The following LARGE1 variants were observed in gnomAD, a reference collection of about 807,000 sequenced individuals.
LARGE1 encodes the protein xylosyl- and glucuronyltransferase LARGE1.
LARGE1 carries 43 observed loss-of-function variants against 87.6 expected under a neutral mutation model. The observed-to-expected ratio is 0.49, with a 90% CI of 0.38 to 0.63. The LOEUF is 0.63. Among genes scored for constraint, LARGE1 ranks in the 30% least tolerant of loss-of-function variants. The pLI, the probability that LARGE1 is intolerant of heterozygous loss-of-function variation, is 0.00. For missense variants in LARGE1, 802 were observed against 1,000.2 expected, an observed-to-expected ratio of 0.80 and a Z score of 2.67; for synonymous variants, 434 against 394.6, an observed-to-expected ratio of 1.10 and a Z score of -1.18.
At position 33,878,129 on chromosome 22, in the gene LARGE1, CTTTTTTT is replaced by C. The variant is rs1186663464; in HGVS notation, c.-83+41859_-83+41865del. ...TATGTATGTTGTTTATATTGTATTT[CTTTTTTT>C]TTTTTTTTTTTTTTTTTTAGAGACA... On this transcript the variant is annotated intron_variant, in intron 1 of 14. Transcript: ENST00000397394. 2.9e-3 allele frequency among the ~76,000 whole-genome samples: 131 copies of C among 44,648 alleles called. 3 individuals carry two copies. The highest frequency in any genetic ancestry group is 4.2e-3 in the Non-Finnish European group (82 of 19,560). 29.3% of individuals were successfully genotyped at this position (44,648 alleles called of 152,430 possible).
At chr22:33,075,608 C>G in the LARGE1 span, among the ~76,000 whole-genome samples, 3 of 152,166 alleles carry the variant, frequency 2.0e-5, no homozygotes, top group East Asian at 1.9e-4. Context: ...GGTGGTAGAA[C>G]CTGAATAATT....
intron 6 of LARGE1, among the ~76,000 whole-genome samples, chr22:33,502,663 G>T (rs1312484991): frequency 6.6e-6 from 1 of 152,034 alleles, no homozygotes; most frequent in African/African-American, 2.4e-5. Flanking sequence ...CCGCCTCCAG[G>T]GTCCACGCCA....
chr22:33,489,611 T>A (rs1240842513), intron 6 of LARGE1, among the ~76,000 whole-genome samples: 1 of 152,176 alleles, frequency 6.6e-6, no homozygotes, highest in Admixed American at 6.5e-5. Flanking sequence ...TCTCATTCTG[T>A]CTTGTTTGCC....
intron 6 of LARGE1, among the ~76,000 whole-genome samples, chr22:33,535,730 C>T (rs145249263): frequency 1.4e-4 from 21 of 152,238 alleles, no homozygotes; most frequent in African/African-American, 4.6e-4. Flanking sequence ...GAACCTCTCA[C>T]GGCTGAGCCC....
In LARGE1 at chr22:33,705,146, A is replaced by G. The variant is rs919867019; in HGVS notation, c.107-54478T>C. Among the ~76,000 whole-genome samples, 10 of 152,274 alleles carry G rather than the reference A, an allele frequency of 6.6e-5. No individual in the cohort carries two copies. In the East Asian group the frequency reaches 1.9e-3, roughly 29 times the overall value. ...GCGTCTGACAGGTCCCACAGCCACA[A>G]AGGGCTCTGTGGTGGAAACACACAC... On this transcript the variant is annotated intron_variant, in intron 2 of 14. Coordinates refer to ENST00000397394, the MANE Select transcript of LARGE1 (RefSeq NM_133642.5).
chr22:33,610,783 C>T (rs1187912948), intron 4 of LARGE1, among the ~76,000 whole-genome samples: 1 of 152,138 alleles, frequency 6.6e-6, no homozygotes, highest in Non-Finnish European at 1.5e-5. Context: ...CCATTACAGG[C>T]CCAGAGGCCT....
chr22:33,588,818 C>A (rs2078754365), intron 5 of LARGE1, among the ~76,000 whole-genome samples: 1 of 152,168 alleles, frequency 6.6e-6, no homozygotes, highest in African/African-American at 2.4e-5. Context: ...CAAACCCCCA[C>A]ACACAGAAGG....
chr22:33,819,745 A>T (rs1336959355), intron 1 of LARGE1, among the ~76,000 whole-genome samples: 25 of 152,166 alleles, frequency 1.6e-4, no homozygotes, highest in Admixed American at 1.4e-3. Flanking sequence ...CTCCATAAAA[A>T]ATCTCTGTAA....
At chr22:33,900,579 T>C (rs1380198814) in intron 1 of LARGE1, among the ~76,000 whole-genome samples, 1 of 152,050 alleles carries the variant, frequency 6.6e-6, no homozygotes, top group African/African-American at 2.4e-5. Flanking sequence ...GAGAAAAAAA[T>C]GAAGCTCAGA....
At chr22:33,627,145 G>A in intron 3 of LARGE1, among the ~76,000 whole-genome samples, 1 of 152,234 alleles carries the variant, frequency 6.6e-6, no homozygotes, top group East Asian at 1.9e-4. Flanking sequence ...TGAATTACAG[G>A]TGACAAATAT....
the LARGE1 span, among the ~76,000 whole-genome samples, chr22:33,117,564 T>G: frequency 2.6e-5 from 4 of 151,846 alleles, no homozygotes; most frequent in Non-Finnish European, 4.4e-5. Flanking sequence ...CATTTCCAAA[T>G]AGAGAAAGAA....
chr22:33,068,411 C>T, the LARGE1 span, among the ~76,000 whole-genome samples: 7 of 152,050 alleles, frequency 4.6e-5, no homozygotes, highest in South Asian at 4.2e-4. Flanking sequence ...TTTGGGAGGT[C>T]GAGGTGGGCA....
At chr22:33,645,975 G>A (rs1030737343) in intron 3 of LARGE1, among the ~76,000 whole-genome samples, 27 of 152,128 alleles carry the variant, frequency 1.8e-4, no homozygotes, top group African/African-American at 4.1e-4. Context: ...AAATAGGAAC[G>A]CTTTTACACT....
intron 11 of LARGE1, among the ~76,000 whole-genome samples, chr22:33,177,718 A>G (rs536687622): frequency 2.0e-5 from 3 of 152,312 alleles, no homozygotes; most frequent in Non-Finnish European, 4.4e-5. Context: ...GGTGTAGGAA[A>G]CCACTTCGTG....
chr22:33,803,483 C>G (rs79430765), intron 1 of LARGE1, among the ~76,000 whole-genome samples: 2,776 of 152,274 alleles, frequency 0.018, 77 homozygotes, highest in African/African-American at 0.062. Flanking sequence ...ACAACACCAA[C>G]AACCAAAAAT....
intron 11 of LARGE1, among the ~76,000 whole-genome samples, chr22:33,202,051 A>G (rs1172482316): frequency 6.6e-6 from 1 of 151,900 alleles, no homozygotes; most frequent in Non-Finnish European, 1.5e-5. Context: ...CAGGAGGATC[A>G]CTTGAACCAG....
intron 11 of LARGE1, among the ~76,000 whole-genome samples, chr22:33,211,100 A>G (rs1053598460): frequency 2.0e-5 from 3 of 151,960 alleles, no homozygotes; most frequent in Non-Finnish European, 4.4e-5. Flanking sequence ...AAACTTTTTC[A>G]TTATTATTAT....
intron 2 of LARGE1, among the ~76,000 whole-genome samples, chr22:33,678,014 A>G (rs1389103138): frequency 6.6e-6 from 1 of 152,248 alleles, no homozygotes; most frequent in Admixed American, 6.5e-5. Context: ...ATTGGGATCT[A>G]CAATATGAGA....
At chr22:33,152,508 A>C in the LARGE1 span, among the ~76,000 whole-genome samples, 1 of 152,246 alleles carries the variant, frequency 6.6e-6, no homozygotes, top group Non-Finnish European at 1.5e-5. Flanking sequence ...AGTTCTAATC[A>C]TAAGTTGACT....
Sources: allele counts gnomAD v4.1 joint callset (sites outside exome capture counted in the v4.1 genomes callset), GRCh38; gene constraint gnomAD v4.1.1; transcripts MANE v1.5; gene names NCBI Gene and HGNC (gene_info 2026-07-23, HGNC 2026-07-21).